Variants in UBE4B observed in about 807,000 individuals in gnomAD.
The protein encoded by UBE4B is ubiquitination factor E4B.
UBE4B carries 27 observed loss-of-function variants against 148.1 expected under a neutral mutation model. The ratio of observed to expected loss-of-function variants is 0.18; its 90% CI spans 0.13 to 0.25. The LOEUF is 0.25. Ranked by LOEUF, UBE4B falls within the 10% of genes least tolerant of loss-of-function variation. UBE4B has a pLI of 1.00. For synonymous variants in UBE4B, 596 were observed against 619.3 expected (o/e 0.96, Z 0.56); for missense variants, 1,170 against 1,662.4 (o/e 0.70, Z 5.15).
At chr1:10,071,679 C>CGTATTTATGTATGTATTTATGTAT (rs71583836) in intron 1 of UBE4B, among the ~76,000 whole-genome samples, 2 of 151,890 alleles carry the variant, frequency 1.3e-5, no homozygotes, top group Non-Finnish European at 2.9e-5. Context: ...ACAGTATATA[C>CGTATTTATGTATGTATTTATGTAT]GTATTTATGT....
intron 1 of UBE4B, among the ~76,000 whole-genome samples, chr1:10,039,590 C>T (rs898422819): frequency 6.7e-6 from 1 of 149,910 alleles, no homozygotes; most frequent in African/African-American, 2.5e-5. Flanking sequence ...CCACCATGCC[C>T]TGCTGATTTT....
intron 23 of UBE4B, among the ~76,000 whole-genome samples, chr1:10,162,336 G>A (rs1359537544): frequency 6.6e-6 from 1 of 152,038 alleles, no homozygotes; most frequent in Non-Finnish European, 1.5e-5. Flanking sequence ...ACTACGCCTG[G>A]CTTATTTTTT....
Position 10,151,353 on chromosome 1 carries a change from C to T in UBE4B, c.2718C>T (p.Pro906=). ...ACTCTCCCCAGGCGCTTTATGAGCC[C>T]TGTACTCAGGATATTGTGATGTTCC... is the stretch of plus-strand genomic sequence containing the variant. ...VQYSPQALYE[P]CTQDIVMFLV... is the part of the protein sequence containing the mutation. The change falls in exon 21 of 28, where the codon CCC becomes CCT. Residue 906 remains proline (P), a synonymous_variant. Transcript: ENST00000343090. 1 of 1,614,044 alleles carries T rather than the reference C, an allele frequency of 6.2e-7. No homozygotes were observed. The highest frequency in any genetic ancestry group is 8.5e-7 in the Non-Finnish European group (1 of 1,180,018).
chr1:10,137,357 C>CTTT, intron 17 of UBE4B, 152 bp downstream of exon 17: 5 of 996,426 alleles, frequency 5.0e-6, no homozygotes, highest in Non-Finnish European at 7.3e-6. Context: ...ATCCATGTTG[C>CTTT]TCAGTTGTCC....
rs1175237804 is a variant in UBE4B at position 10,097,038 on chromosome 1, CA to C, written c.347+1458del. 3.4e-3 allele frequency among the ~76,000 whole-genome samples: 473 copies of C among 141,042 alleles called. 1 individual carries two copies. Among genetic ancestry groups the C allele is most frequent in the East Asian group, 4.4e-3 (22 of 5,046 alleles). The allele number at this position is 141,042 out of a possible 152,430, so 92.5% of individuals were successfully genotyped here. A position where few individuals can be genotyped will look rare whatever the true frequency, so the allele number is the denominator to read the frequency against. On this transcript the variant is annotated intron_variant, in intron 3 of 27. Transcript: ENST00000343090. ...TGGGTGACAGAGTAAGACTCTGCATCAAAAAAAAAAAAAAAATAATAATAAT... is the reference window on the plus strand; with the variant it reads ...TGGGTGACAGAGTAAGACTCTGCATCAAAAAAAAAAAAAAATAATAATAAT...
At chr1:10,063,537 T>C (rs1435654187) in intron 1 of UBE4B, among the ~76,000 whole-genome samples, 7 of 152,232 alleles carry the variant, frequency 4.6e-5, no homozygotes, top group Non-Finnish European at 1.0e-4. Context: ...CCCTTTCCTA[T>C]GCCCATTGCG....
intron 7 of UBE4B, among the ~76,000 whole-genome samples, chr1:10,111,792 A>C (rs1645226374): frequency 6.6e-6 from 1 of 152,092 alleles, no homozygotes. Flanking sequence ...CCTCTTCTTT[A>C]CTAAAAATAC....
At chr1:10,062,391 C>T (rs1008695277) in intron 1 of UBE4B, among the ~76,000 whole-genome samples, 2 of 152,194 alleles carry the variant, frequency 1.3e-5, no homozygotes, top group African/African-American at 4.8e-5. Context: ...TGGCTCACTG[C>T]AACCTTCACC....
At chr1:10,124,223 G>A (rs1321939935) in intron 10 of UBE4B, among the ~76,000 whole-genome samples, 2 of 150,558 alleles carry the variant, frequency 1.3e-5, no homozygotes, top group Admixed American at 6.6e-5. Flanking sequence ...GTGCAGTGGC[G>A]CCGTCTCAGC....
At chr1:10,088,643 T>C (rs1644799300) in intron 2 of UBE4B, among the ~76,000 whole-genome samples, 1 of 151,988 alleles carries the variant, frequency 6.6e-6, no homozygotes, top group African/African-American at 2.4e-5. Context: ...AGTGTTGGGA[T>C]TACAGGTGTG....
At position 10,075,079 on chromosome 1, in the gene UBE4B, G is replaced by T. The variant is rs571352177; in HGVS notation, c.211+2865G>T. Among the ~76,000 whole-genome samples the T allele has an allele frequency of 2.0e-5, 3 of 152,278 alleles. No individual in the cohort carries two copies. In the South Asian group the frequency reaches 6.2e-4, roughly 32 times the overall value. On this transcript the variant is annotated intron_variant, in intron 2 of 27. Coordinates refer to ENST00000343090, the MANE Select transcript of UBE4B (RefSeq NM_001105562.3). ...ATTCATGTTTTCTAGACCTGGATTGGCAAACTCTTTCTGTTAAGGGCCAGA... is the reference window on the plus strand; with the variant it reads ...ATTCATGTTTTCTAGACCTGGATTGTCAAACTCTTTCTGTTAAGGGCCAGA...
At chr1:10,050,461 G>A (rs983216093) in intron 1 of UBE4B, among the ~76,000 whole-genome samples, 2 of 152,192 alleles carry the variant, frequency 1.3e-5, no homozygotes, top group Non-Finnish European at 2.9e-5. Context: ...GCAGCTGAAG[G>A]AGTAGGTGAT....
chr1:10,150,957 C>G (rs530348308), intron 20 of UBE4B, among the ~76,000 whole-genome samples: 29 of 150,356 alleles, frequency 1.9e-4, no homozygotes, highest in Admixed American at 7.3e-4. Context: ...GTCAGGAGAT[C>G]GAGACCATCC....
chr1:10,177,869 A>T (rs750100993), intron 25 of UBE4B, among the ~76,000 whole-genome samples: 3 of 151,958 alleles, frequency 2.0e-5, no homozygotes, highest in Admixed American at 6.6e-5. Flanking sequence ...GGTAGATGTT[A>T]CTCTGCCCAT....
At chr1:10,137,527 C>T (rs1439824782) in intron 17 of UBE4B, among the ~76,000 whole-genome samples, 3 of 152,104 alleles carry the variant, frequency 2.0e-5, no homozygotes, top group African/African-American at 7.2e-5. Flanking sequence ...TTAAAGGATC[C>T]CCTGGGTTTC....
intron 25 of UBE4B, among the ~76,000 whole-genome samples, chr1:10,172,280 TC>T (rs1646350631): frequency 6.6e-6 from 1 of 152,232 alleles, no homozygotes. Flanking sequence ...TGCCTCATTT[TC>T]AACGTCCTCA....
intron 2 of UBE4B, among the ~76,000 whole-genome samples, chr1:10,080,426 AAAAGAAAG>A (rs201059375): frequency 4.0e-5 from 6 of 151,734 alleles, no homozygotes; most frequent in African/African-American, 9.7e-5. Context: ...CAAAAAAAAA[AAAAGAAAG>A]AAAGAAAGAA....
Position 10,181,080 on chromosome 1 carries a change from A to G in UBE4B, c.*1124A>G. 1 of 148,962 alleles carries G rather than the reference A, an allele frequency of 6.7e-6. No individual in the cohort carries two copies. The highest frequency in any genetic ancestry group is 1.5e-5 in the Non-Finnish European group (1 of 66,838). The allele number at this position is 148,962 out of a possible 1,614,324, so 9.2% of individuals were successfully genotyped here. A position where few individuals can be genotyped will look rare whatever the true frequency, so the allele number is the denominator to read the frequency against. On this transcript the variant is annotated 3_prime_UTR_variant, in exon 28 of 28. Transcript: ENST00000343090. ...AATTCTCAAATTTCCTTTGGGGTAA[A>G]AAAAAAAAAAGGATTTGAAACCATA...
chr1:10,140,084 C>T (rs927438292), intron 17 of UBE4B, among the ~76,000 whole-genome samples: 2 of 152,146 alleles, frequency 1.3e-5, no homozygotes, highest in African/African-American at 4.8e-5. Flanking sequence ...CCAACCCTTT[C>T]GCTTATGTGT....
Sources: gnomAD v4.1 joint callset for allele counts (sites outside exome capture counted in the v4.1 genomes callset) on GRCh38, gnomAD v4.1.1 for gene constraint, MANE v1.5 for transcripts, NCBI Gene and HGNC (gene_info 2026-07-23, HGNC 2026-07-21) for gene names.